ARHGEF6: variants seen among roughly 807,000 people sequenced by gnomAD.
ARHGEF6 encodes Rac/Cdc42 guanine nucleotide exchange factor 6.
A neutral mutation model predicts 70.3 loss-of-function variants in ARHGEF6; 9 were observed. The ratio of observed to expected loss-of-function variants is 0.13; its 90% CI spans 0.08 to 0.22. ARHGEF6 has a LOEUF of 0.22. ARHGEF6 is among the 10% of genes least tolerant of loss of function. ARHGEF6 has a pLI of 1.00. For synonymous variants in ARHGEF6, 201 were observed against 207.8 expected, an observed-to-expected ratio of 0.97 and a Z score of 0.28; for missense variants, 470 against 563.0, an observed-to-expected ratio of 0.83 and a Z score of 1.67.
chrX:136,713,452 T>G (rs2076707903), intron 6 of ARHGEF6, 82 bp from the exon 7 acceptor site: 1 of 736,105 alleles, frequency 1.4e-6, no homozygotes, highest in South Asian at 2.2e-5. Flanking sequence ...ACCAAATTAC[T>G]AGGAAGAAAA....
chrX:136,713,126 C>A (rs933037061), intron 7 of ARHGEF6, 150 bp downstream of exon 7: 9 of 480,487 alleles, frequency 1.9e-5, no homozygotes, highest in Non-Finnish European at 3.3e-5. Context: ...TGCATAATTT[C>A]TGTTGCCCTG....
At position 136,687,975 on chromosome X, in the gene ARHGEF6, T is replaced by G; in HGVS notation, c.1202A>C (p.His401Pro). ...ERHMEDTHPD[H>P]QDILKAIVAF... is the part of the protein sequence containing the mutation. ...TACGATTGCTTTCAGAATATCCTGA[T>G]GATCTGGATGAGTATCCTATCAAAG... The change falls in exon 11 of 22, where the codon CAT (histidine) becomes CCT (proline). Residue 401 changes from histidine (H) to proline (P), a missense_variant. Transcript: ENST00000250617. 8.3e-7 allele frequency: 1 copy of G among 1,202,694 alleles called. No homozygotes were observed. The highest frequency in any genetic ancestry group is 1.1e-6 in the Non-Finnish European group (1 of 887,036).
At chrX:136,734,788 A>G (rs142755248) in intron 5 of ARHGEF6, among the ~76,000 whole-genome samples, 1,337 of 112,204 alleles carry the variant, frequency 0.012, 22 homozygotes, top group African/African-American at 0.041. Flanking sequence ...TTTTAAAAGA[A>G]TTGTATACTA....
chrX:136,682,710 T>C (rs748927442), intron 13 of ARHGEF6, 48 bp downstream of exon 13: 1 of 1,048,550 alleles, frequency 9.5e-7, no homozygotes, highest in Admixed American at 2.2e-5. Flanking sequence ...GATGGAAACC[T>C]GTTTTCGTTA....
intron 11 of ARHGEF6, among the ~76,000 whole-genome samples, chrX:136,686,707 T>TAC (rs1336628157): frequency 5.1e-4 from 14 of 27,346 alleles, no homozygotes; most frequent in African/African-American, 1.2e-3. Context: ...CATATATATA[T>TAC]ACATATATAT....
intron 21 of ARHGEF6, 95 bp from the exon 22 acceptor site, chrX:136,668,264 CTCTT>C (rs1660024481): frequency 3.8e-6 from 4 of 1,039,121 alleles, no homozygotes; most frequent in Middle Eastern, 5.4e-4. Flanking sequence ...ATCACTGACT[CTCTT>C]TCTTTCCTCG....
chrX:136,745,136 T>C, intron 4 of ARHGEF6, 87 bp downstream of exon 4: 1 of 1,126,810 alleles, frequency 8.9e-7, no homozygotes, highest in South Asian at 1.8e-5. Context: ...CCCGGATGGC[T>C]GTCTCACCAC....
chrX:136,777,720 G>A (rs762156780), intron 2 of ARHGEF6, among the ~76,000 whole-genome samples: 4 of 106,407 alleles, frequency 3.8e-5, no homozygotes, highest in African/African-American at 1.4e-4. Flanking sequence ...CCAAAGAGTG[G>A]ATAAAGAAAA....
At chrX:136,683,568 G>A (rs982039002) in intron 12 of ARHGEF6, among the ~76,000 whole-genome samples, 2 of 111,196 alleles carry the variant, frequency 1.8e-5, no homozygotes, top group African/African-American at 6.6e-5. Context: ...ATGTTGGTCA[G>A]GGTGGTCTCA....
At chrX:136,691,740 G>A (rs2076460495) in intron 9 of ARHGEF6, among the ~76,000 whole-genome samples, 1 of 111,395 alleles carries the variant, frequency 9.0e-6, no homozygotes, top group Non-Finnish European at 1.9e-5. Context: ...CACTTCAATA[G>A]ACCAACTGTT....
intron 2 of ARHGEF6, among the ~76,000 whole-genome samples, chrX:136,774,742 GA>G (rs370065175): frequency 0.022 from 2,153 of 96,398 alleles, 31 homozygotes; most frequent in Non-Finnish European, 0.036. Context: ...GACCATAATA[GA>G]AAAAAAAAAG....
intron 5 of ARHGEF6, among the ~76,000 whole-genome samples, chrX:136,742,332 CA>C (rs199829476): frequency 1.9e-5 from 2 of 107,671 alleles, no homozygotes; most frequent in African/African-American, 3.4e-5. Flanking sequence ...ACAACAACAA[CA>C]AAAAAAAATA....
Position 136,699,002 on chromosome X carries a change from G to T in ARHGEF6, c.1046+7906C>A, listed in dbSNP as rs2076538479. Among the ~76,000 whole-genome samples, 6 of 111,167 alleles carry T rather than the reference G, an allele frequency of 5.4e-5. No homozygotes were observed. The Admixed American group carries it at 5.7e-4, about 11-fold the overall frequency. On this transcript the variant is annotated intron_variant, in intron 9 of 21. Transcript: ENST00000250617. ...CATGAAGGAGAAAGGTGGGAGCAAA[G>T]GTCTGTTGGAATAAGAATATAATAC...
In ARHGEF6 at chrX:136,667,882, G is replaced by C. The variant is rs1342054735; in HGVS notation, c.*147C>G. ...CACGCACACACATATGCACACAGCG[G>C]GGAGAGAAAGAGAAGAGAGAGGGAG... On this transcript the variant is annotated 3_prime_UTR_variant, in exon 22 of 22. Transcript: ENST00000250617. The C allele has an allele frequency of 1.3e-6, 1 of 773,258 alleles. No homozygotes were observed. The highest frequency in any genetic ancestry group is 1.9e-6 in the Non-Finnish European group (1 of 519,642). 63.7% of individuals were successfully genotyped at this position (773,258 alleles called of 1,213,427 possible).
rs780392982 is a variant in ARHGEF6 at position 136,703,165 on chromosome X, T to C, written c.1046+3743A>G. 1.8e-4 allele frequency among the ~76,000 whole-genome samples: 20 copies of C among 112,265 alleles called. No homozygotes were observed. The South Asian group carries it at 7.4e-3, about 42-fold the overall frequency. On this transcript the variant is annotated intron_variant, in intron 9 of 21. Coordinates refer to ENST00000250617, the MANE Select transcript of ARHGEF6 (RefSeq NM_004840.3). ...AGGCATGAATCTACATGACCTGGAT[T>C]AGGCAATAATTTCTTAGATACAACA...
chrX:136,672,000 G>A lies in ARHGEF6; in HGVS notation c.2135+20C>T, dbSNP rs746396628. On this transcript the variant is annotated intron_variant, in intron 20 of 21. Transcript: ENST00000250617. Reference sequence around the variant, plus strand: ...CCAGCCCCAAGAGAAACTAGGCAAGGTTTTGCCTGCTCTACTCACTTTTCT... The same window carrying A: ...CCAGCCCCAAGAGAAACTAGGCAAGATTTTGCCTGCTCTACTCACTTTTCT... 10 of 1,174,718 alleles carry A rather than the reference G, an allele frequency of 8.5e-6. No individual in the cohort carries two copies. The South Asian group carries it at 1.8e-4, about 21-fold the overall frequency.
At chrX:136,740,322 T>A (rs1222662543) in intron 5 of ARHGEF6, among the ~76,000 whole-genome samples, 1 of 111,353 alleles carries the variant, frequency 9.0e-6, no homozygotes. Context: ...AGTTACATTT[T>A]GAAAGAATCA....
chrX:136,742,967 G>C (rs1286897002), intron 5 of ARHGEF6, among the ~76,000 whole-genome samples: 1 of 110,963 alleles, frequency 9.0e-6, no homozygotes. Context: ...GTGAGACCCT[G>C]TCTAAAAATA....
At chrX:136,695,217 G>A (rs955170236) in intron 9 of ARHGEF6, among the ~76,000 whole-genome samples, 1 of 112,212 alleles carries the variant, frequency 8.9e-6, no homozygotes, top group African/African-American at 3.2e-5. Context: ...AAAAGCACAT[G>A]TGAGAAAAAC....
Sources: allele counts gnomAD v4.1 joint callset (sites outside exome capture counted in the v4.1 genomes callset), GRCh38; gene constraint gnomAD v4.1.1; transcripts MANE v1.5; gene names NCBI Gene and HGNC (gene_info 2026-07-23, HGNC 2026-07-21).